KLRG2: variants seen among roughly 807,000 people sequenced by gnomAD.
The protein encoded by KLRG2 is killer cell lectin like receptor G2.
A neutral mutation model predicts 35.4 loss-of-function variants in KLRG2; 39 were observed. The observed-to-expected ratio is 1.10, with a 90% CI of 0.85 to 1.44. KLRG2 has a LOEUF of 1.44. KLRG2 is among the 40% of genes most tolerant of loss of function. The pLI is 0.00. For synonymous variants in KLRG2, 283 were observed against 265.8 expected (o/e 1.06, Z -0.63); for missense variants, 632 against 570.9 (o/e 1.11, Z -1.09).
At chr7:139,446,000 G>A in the KLRG2 span, among the ~76,000 whole-genome samples, 1 of 151,254 alleles carries the variant, frequency 6.6e-6, no homozygotes, top group African/African-American at 2.4e-5. Flanking sequence ...CCCGGCTAAT[G>A]TTTTGTATTT....
the KLRG2 span, among the ~76,000 whole-genome samples, chr7:139,429,263 G>T: frequency 6.6e-6 from 1 of 152,266 alleles, no homozygotes; most frequent in South Asian, 2.1e-4. Flanking sequence ...CTGAGATTTT[G>T]CCACTGCACT....
chr7:139,439,596 T>C, the KLRG2 span, among the ~76,000 whole-genome samples: 1 of 151,952 alleles, frequency 6.6e-6, no homozygotes, highest in African/African-American at 2.4e-5. Context: ...TCTTCCTCTT[T>C]TTGCCCAAGC....
intron 3 of KLRG2, among the ~76,000 whole-genome samples, chr7:139,474,555 T>C (rs552282936): frequency 1.6e-4 from 24 of 152,098 alleles, no homozygotes; most frequent in South Asian, 4.2e-4. Context: ...GGTCAGGAGT[T>C]TGAGACCAGC....
chr7:139,478,862 C>T (rs1241208927), intron 3 of KLRG2, among the ~76,000 whole-genome samples: 1 of 151,990 alleles, frequency 6.6e-6, no homozygotes, highest in East Asian at 1.9e-4. Context: ...TGGCAATCTG[C>T]ATTATAAAGC....
chr7:139,436,418 A>G, the KLRG2 span, among the ~76,000 whole-genome samples: 1 of 152,170 alleles, frequency 6.6e-6, no homozygotes, highest in African/African-American at 2.4e-5. Flanking sequence ...GTGACAGCTT[A>G]GTGGTCCAGA....
the KLRG2 span, among the ~76,000 whole-genome samples, chr7:139,445,279 C>A: frequency 2.0e-5 from 3 of 151,888 alleles, no homozygotes; most frequent in Non-Finnish European, 2.9e-5. Flanking sequence ...ACGGGGTTTC[C>A]CCATGTTGGC....
chr7:139,480,683 G>C (rs1796942532), intron 1 of KLRG2, among the ~76,000 whole-genome samples: 1 of 150,120 alleles, frequency 6.7e-6, no homozygotes, highest in African/African-American at 2.5e-5. Flanking sequence ...CTGACCTTGT[G>C]ATCTGCCCAC....
At chr7:139,467,746 G>T (rs1045674488) in intron 3 of KLRG2, among the ~76,000 whole-genome samples, 2 of 151,970 alleles carry the variant, frequency 1.3e-5, no homozygotes, top group Non-Finnish European at 2.9e-5. Context: ...ATTGTCCAAG[G>T]TTTCTCCCCA....
chr7:139,462,689 T>C (rs953816568), intron 3 of KLRG2, among the ~76,000 whole-genome samples: 2 of 152,194 alleles, frequency 1.3e-5, no homozygotes, highest in South Asian at 4.1e-4. Context: ...GATTTCTCCA[T>C]CCTACAAGGT....
At chr7:139,449,944 G>A (rs1393518867), downstream of KLRG2, among the ~76,000 whole-genome samples, 18 of 151,686 alleles carry the variant, frequency 1.2e-4, no homozygotes, top group South Asian at 8.3e-4. Context: ...CTTGTGATCC[G>A]CCCGCCTCGG....
rs1381485175 is a variant in KLRG2 at position 139,483,485 on chromosome 7, G to GCCC, written c.155_157dup (p.Gly52dup). 1.3e-6 allele frequency: 2 copies of GCCC among 1,596,184 alleles called. No individual in the cohort carries two copies. The highest frequency in any genetic ancestry group is 2.7e-5 in the African/African-American group (2 of 74,058). Reference sequence around the variant, plus strand: ...GCCTGCGCCCGCCGCCTTCTCCACGGCCCCGGCCGGACTTGGGCTGCTTTC... The same window carrying GCCC: ...GCCTGCGCCCGCCGCCTTCTCCACGGCCCCCCCGGCCGGACTTGGGCTGCTTTC... On this transcript the variant is annotated inframe_insertion, in exon 1 of 5. Coordinates refer to ENST00000340940, the MANE Select transcript of KLRG2 (RefSeq NM_198508.4).
chr7:139,467,678 AC>A (rs1423596626), intron 3 of KLRG2, among the ~76,000 whole-genome samples: 1 of 150,890 alleles, frequency 6.6e-6, no homozygotes, highest in Non-Finnish European at 1.5e-5. Flanking sequence ...AATCTCAAGT[AC>A]CCAGGGACAC....
intron 3 of KLRG2, among the ~76,000 whole-genome samples, chr7:139,466,542 T>C (rs1208161531): frequency 6.6e-6 from 1 of 152,146 alleles, no homozygotes; most frequent in Non-Finnish European, 1.5e-5. Flanking sequence ...GATGAAGTCC[T>C]ATTCTTTACT....
chr7:139,449,133 G>C (rs1268635357), downstream of KLRG2, among the ~76,000 whole-genome samples: 1 of 151,110 alleles, frequency 6.6e-6, no homozygotes, highest in Non-Finnish European at 1.5e-5. Context: ...TGGGCGTGGT[G>C]GCTCACGCCT....
the KLRG2 span, among the ~76,000 whole-genome samples, chr7:139,446,336 GTTTTTTTTTT>G: frequency 1.1e-5 from 1 of 92,050 alleles, no homozygotes; most frequent in Non-Finnish European, 2.0e-5. Context: ...ATTTTCCAGG[GTTTTTTTTTT>G]TTTTTTTTTT....
chr7:139,430,792 T>C, the KLRG2 span, among the ~76,000 whole-genome samples: 1 of 152,116 alleles, frequency 6.6e-6, no homozygotes, highest in African/African-American at 2.4e-5. Context: ...GCAGATCACT[T>C]GAGGTCAGCA....
the KLRG2 span, among the ~76,000 whole-genome samples, chr7:139,433,623 G>C: frequency 7.3e-6 from 1 of 137,320 alleles, no homozygotes; most frequent in Non-Finnish European, 1.5e-5. Context: ...ACTGCGCCCG[G>C]CCTTTTTTTT....
chr7:139,459,026 T>C (rs1211306678), intron 3 of KLRG2, among the ~76,000 whole-genome samples: 1 of 152,264 alleles, frequency 6.6e-6, no homozygotes, highest in East Asian at 1.9e-4. Context: ...TTCCAGATTT[T>C]AACTGCCTAG....
the KLRG2 span, among the ~76,000 whole-genome samples, chr7:139,436,432 G>A: frequency 6.6e-6 from 1 of 152,142 alleles, no homozygotes; most frequent in African/African-American, 2.4e-5. Context: ...GTCCAGAGGC[G>A]GGTGCCTGAG....
Sources: gnomAD v4.1 joint callset for allele counts (sites outside exome capture counted in the v4.1 genomes callset) on GRCh38, gnomAD v4.1.1 for gene constraint, MANE v1.5 for transcripts, NCBI Gene and HGNC (gene_info 2026-07-23, HGNC 2026-07-21) for gene names.